The following CPA3 variants were observed in gnomAD, a reference collection of about 807,000 sequenced individuals.
The protein encoded by CPA3 is mast cell carboxypeptidase A.
In CPA3, 52 loss-of-function variants were observed where a neutral mutation model predicts 55.8. The observed-to-expected ratio is 0.93, with a 90% CI of 0.75 to 1.17. CPA3 has a LOEUF of 1.17. Ranked by LOEUF, CPA3 falls within the 50% of genes most tolerant of loss-of-function variation. The pLI is 0.00. For missense variants in CPA3, 547 were observed against 509.1 expected, an observed-to-expected ratio of 1.07 and a Z score of -0.72; for synonymous variants, 179 against 171.2, an observed-to-expected ratio of 1.05 and a Z score of -0.36.
At chr3:148,891,123 C>G (rs1219508767) in intron 10 of CPA3, among the ~76,000 whole-genome samples, 1 of 152,004 alleles carries the variant, frequency 6.6e-6, no homozygotes, top group Non-Finnish European at 1.5e-5. Context: ...TCTCTCTGAG[C>G]CTAGGTTTCT....
chr3:148,878,468 G>A lies in CPA3; in HGVS notation c.297G>A (p.Glu99=), dbSNP rs1157828534. The A allele has an allele frequency of 6.2e-7, 1 of 1,612,388 alleles. No homozygotes were observed. Among genetic ancestry groups the A allele is most frequent in the South Asian group, 1.1e-5 (1 of 91,024 alleles). ...TCTTGATTCATGATCTACAAGAAGA[G>A]ATTGAGAAACAGTTTGATGTTAAAG... The part of the protein sequence containing the change: ...YEILIHDLQE[E]IEKQFDVKED... The change falls in exon 4 of 11, where the codon GAG becomes GAA. Residue 99 remains glutamate, a synonymous_variant. Transcript: ENST00000296046.
rs1403213382 is a variant in CPA3 at position 148,878,747 on chromosome 3, A to C, written c.473A>C (p.Lys158Thr). 3.2e-6 allele frequency: 5 copies of C among 1,543,986 alleles called. No homozygotes were observed. The highest frequency in any genetic ancestry group is 1.4e-5 in the African/African-American group (1 of 72,530). ...GAAGATAATCCACTATATGTTCTGA[A>C]GGTAAAAATAACTCAAGAACCACTA... is the stretch of plus-strand genomic sequence containing the variant. ...TVEDNPLYVL[K>T]IGEKNERRKA... The change falls in exon 5 of 11, where the codon AAG becomes ACG. Residue 158 changes from lysine to threonine, a missense_variant and splice_region_variant. Lys to Thr is a moderately conservative substitution (Grantham distance 78). Transcript: ENST00000296046.
chr3:148,880,814 G>T (rs944657065), intron 6 of CPA3, among the ~76,000 whole-genome samples: 1 of 152,088 alleles, frequency 6.6e-6, no homozygotes, highest in African/African-American at 2.4e-5. Context: ...TTCTAGAAAA[G>T]AATCCACCAG....
intron 10 of CPA3, among the ~76,000 whole-genome samples, chr3:148,889,268 T>A (rs1308995758): frequency 6.6e-6 from 1 of 152,166 alleles, no homozygotes; most frequent in African/African-American, 2.4e-5. Flanking sequence ...AAAAATGTGA[T>A]TAAAGTTTAG....
intron 5 of CPA3, among the ~76,000 whole-genome samples, chr3:148,879,159 T>C (rs1186836842): frequency 6.6e-6 from 1 of 152,098 alleles, no homozygotes; most frequent in East Asian, 1.9e-4. Context: ...TGCTTGAGGG[T>C]TCCCTATATC....
At chr3:148,874,850 A>AAAGC (rs1714165779) in intron 3 of CPA3, among the ~76,000 whole-genome samples, 1 of 152,214 alleles carries the variant, frequency 6.6e-6, no homozygotes, top group Admixed American at 6.5e-5. Flanking sequence ...ACATACCATC[A>AAAGC]AAGCCTGCTT....
intron 10 of CPA3, among the ~76,000 whole-genome samples, chr3:148,889,131 G>A (rs1243969560): frequency 1.3e-5 from 2 of 152,202 alleles, no homozygotes; most frequent in Non-Finnish European, 2.9e-5. Context: ...ACGCAGTGCT[G>A]CAGCAGCTTG....
At chr3:148,879,984 T>A in intron 6 of CPA3, 95 bp downstream of exon 6, 1 of 802,640 alleles carries the variant, frequency 1.2e-6, no homozygotes, top group Non-Finnish European at 2.1e-6. Flanking sequence ...CAATTCCACT[T>A]AGCTAGAAGA....
chr3:148,865,384 T>C lies in CPA3; in HGVS notation c.68+9T>C. ...CCTGTCCGCTTTGACAGGTAAATCT[T>C]ACTTCCTGTGTTCCAGTCTCTGTGT... On this transcript the variant is annotated intron_variant, in intron 1 of 10. Transcript: ENST00000296046. The C allele has an allele frequency of 1.9e-6, 3 of 1,614,030 alleles. No individual in the cohort carries two copies. The highest frequency in any genetic ancestry group is 2.5e-6 in the Non-Finnish European group (3 of 1,179,914).
chr3:148,891,481 T>TACACAC (rs3046005), intron 10 of CPA3, among the ~76,000 whole-genome samples: 9 of 146,884 alleles, frequency 6.1e-5, no homozygotes, highest in South Asian at 2.2e-4. Context: ...CCCTGTCACA[T>TACACAC]ACACACACAC....
At chr3:148,882,426 T>C (rs1714397015) in intron 7 of CPA3, 79 bp from the exon 8 acceptor site, 12 of 1,181,302 alleles carry the variant, frequency 1.0e-5, no homozygotes, top group Non-Finnish European at 1.4e-5. Flanking sequence ...TGCAGACACC[T>C]GCAGAGAGAA....
Position 148,897,104 on chromosome 3 carries a change from A to G in CPA3, c.*397A>G, listed in dbSNP as rs975065711. On this transcript the variant is annotated 3_prime_UTR_variant, in exon 11 of 11. Coordinates refer to ENST00000296046, the MANE Select transcript of CPA3 (RefSeq NM_001870.4). ...GCTTTAAAATTCATCTTTTTATGAT[A>G]AACTATATTCTCTGTATTTCTCTAT... is the stretch of plus-strand genomic sequence containing the variant. 2.6e-4 allele frequency: 41 copies of G among 156,294 alleles called. No homozygotes were observed. The highest frequency in any genetic ancestry group is 2.3e-3 in the Admixed American group (36 of 15,476). 9.7% of individuals were successfully genotyped at this position (156,294 alleles called of 1,614,324 possible). A position where few individuals can be genotyped will look rare whatever the true frequency, so the allele number is the denominator to read the frequency against.
intron 6 of CPA3, among the ~76,000 whole-genome samples, chr3:148,880,889 T>C (rs541714586): frequency 1.6e-4 from 25 of 152,144 alleles, no homozygotes; most frequent in Non-Finnish European, 2.8e-4. Flanking sequence ...ACTCAACACA[T>C]AAAGGAATGC....
At chr3:148,881,349 T>G (rs1714360613) in intron 6 of CPA3, 173 bp from the exon 7 acceptor site, 2 of 489,828 alleles carry the variant, frequency 4.1e-6, no homozygotes, top group East Asian at 6.2e-5. Flanking sequence ...ATAAGTTAGG[T>G]TTTTTTCCCC....
intron 10 of CPA3, among the ~76,000 whole-genome samples, chr3:148,889,307 C>A (rs1298071392): frequency 2.0e-5 from 3 of 152,144 alleles, no homozygotes; most frequent in African/African-American, 7.2e-5. Flanking sequence ...TGTCACTTAA[C>A]ATGTCCCCAG....
At chr3:148,889,014 A>G (rs1442876265) in intron 10 of CPA3, among the ~76,000 whole-genome samples, 1 of 152,204 alleles carries the variant, frequency 6.6e-6, no homozygotes, top group Non-Finnish European at 1.5e-5. Flanking sequence ...AGATACAGTC[A>G]AGAGGGATTA....
At chr3:148,893,213 A>G (rs531005902) in intron 10 of CPA3, among the ~76,000 whole-genome samples, 278 of 152,240 alleles carry the variant, frequency 1.8e-3, no homozygotes, top group Admixed American at 4.0e-3. Flanking sequence ...AGTTTCAAAC[A>G]TTGGAAAAGA....
At chr3:148,894,142 A>G (rs1208609253) in intron 10 of CPA3, among the ~76,000 whole-genome samples, 1 of 152,208 alleles carries the variant, frequency 6.6e-6, no homozygotes, top group Non-Finnish European at 1.5e-5. Context: ...TCTCCACATG[A>G]TGATTGAATC....
chr3:148,880,597 GC>G (rs1295646386), intron 6 of CPA3, among the ~76,000 whole-genome samples: 3 of 152,104 alleles, frequency 2.0e-5, no homozygotes, highest in Non-Finnish European at 2.9e-5. Context: ...CTCCCAAAGT[GC>G]TGGGATAACA....
Sources: gnomAD v4.1 joint callset for allele counts (sites outside exome capture counted in the v4.1 genomes callset) on GRCh38, gnomAD v4.1.1 for gene constraint, MANE v1.5 for transcripts, NCBI Gene and HGNC (gene_info 2026-07-23, HGNC 2026-07-21) for gene names.